The following XXYLT1 variants were observed in gnomAD, a reference collection of about 807,000 sequenced individuals.
XXYLT1 encodes UDP-xylose:alpha-xyloside alpha-1,3-xylosyltransferase.
Under a neutral mutation model 28.9 loss-of-function variants are expected in XXYLT1, and 20 were observed. The ratio of observed to expected loss-of-function variants is 0.69; its 90% CI spans 0.49 to 1.00. XXYLT1 has a LOEUF of 1.00. Among genes scored for constraint, XXYLT1 ranks in the 50% least tolerant of loss-of-function variants. XXYLT1 has a pLI of 0.00. For missense variants in XXYLT1, 542 were observed against 560.1 expected (o/e 0.97, Z 0.33); for synonymous variants, 257 against 253.8 (o/e 1.01, Z -0.12).
rs1455343976 is a variant in XXYLT1, at chr3:195,173,042, G to A, written c.653-16461C>T. On this transcript the variant is annotated intron_variant, in intron 2 of 3. Coordinates refer to ENST00000310380, the MANE Select transcript of XXYLT1 (RefSeq NM_152531.5). The surrounding 1 kb of genome is among the most constrained non-coding windows in gnomAD (Gnocchi z 4.3). ...AGTGGTTTGGCAGCCCCCCGGGGCT[G>A]ATCGACACCCCTACTTTCAAGACTT... 6.6e-6 allele frequency among the ~76,000 whole-genome samples: 1 copy of A among 152,082 alleles called. No homozygotes were observed. The highest frequency in any genetic ancestry group is 1.5e-5 in the Non-Finnish European group (1 of 67,990).
At chr3:195,096,780 T>A (rs975470969) in intron 3 of XXYLT1, among the ~76,000 whole-genome samples, 1 of 152,214 alleles carries the variant, frequency 6.6e-6, no homozygotes, top group African/African-American at 2.4e-5. Context: ...TTGGTTTCCA[T>A]AGAGGATAAT....
At chr3:195,228,534 G>T (rs11918561) in intron 1 of XXYLT1, among the ~76,000 whole-genome samples, 8,388 of 130,066 alleles carry the variant, frequency 0.064, 890 homozygotes, top group African/African-American at 0.23. Context: ...TCTGTCAACC[G>T]AGGCTGGAGT....
intron 2 of XXYLT1, among the ~76,000 whole-genome samples, chr3:195,215,999 G>C (rs1723555424): frequency 6.6e-6 from 1 of 151,174 alleles, no homozygotes; most frequent in African/African-American, 2.4e-5. Context: ...AATCAAACTA[G>C]AACTCAGGAT....
chr3:195,239,523 C>G (rs1560169162), intron 1 of XXYLT1, among the ~76,000 whole-genome samples: 2 of 152,100 alleles, frequency 1.3e-5, no homozygotes, highest in African/African-American at 2.4e-5. Flanking sequence ...TGAGAAGACA[C>G]AAAACAATAG....
intron 3 of XXYLT1, among the ~76,000 whole-genome samples, chr3:195,127,506 T>G (rs545913426): frequency 6.6e-6 from 1 of 152,340 alleles, no homozygotes; most frequent in East Asian, 1.9e-4. Flanking sequence ...TGAGGTGTGG[T>G]GGCTCATGCC....
At chr3:195,260,700 CAG>C (rs1439608157) in intron 1 of XXYLT1, among the ~76,000 whole-genome samples, 2 of 152,230 alleles carry the variant, frequency 1.3e-5, no homozygotes, top group African/African-American at 4.8e-5. Flanking sequence ...CCTCAAACAG[CAG>C]AGGAGGTGCC....
rs766250839 is a variant in XXYLT1 at position 195,124,515 on chromosome 3, C to A, written c.785+31934G>T. Among the ~76,000 whole-genome samples the A allele has an allele frequency of 2.0e-5, 3 of 152,308 alleles. No homozygotes were observed. The East Asian group carries it at 5.8e-4, about 29-fold the overall frequency. On this transcript the variant is annotated intron_variant, in intron 3 of 3. Transcript: ENST00000310380. This position sits in a 1 kb window ranked among gnomAD's most constrained non-coding sequence, Gnocchi z 4.1. ...TTGTCTAGTGTTTCTAGGCCTCCCC[C>A]TCTAGACTGTGAATTCCGTGGGGGC...
intron 3 of XXYLT1, among the ~76,000 whole-genome samples, chr3:195,110,239 TGC>T (rs1560100481): frequency 1.5e-4 from 5 of 32,964 alleles, no homozygotes; most frequent in East Asian, 1.4e-3. Context: ...GTGTGTGGTG[TGC>T]GTGTGTGGGT....
intron 3 of XXYLT1, among the ~76,000 whole-genome samples, chr3:195,141,847 G>A (rs1042787152): frequency 3.9e-5 from 6 of 152,204 alleles, no homozygotes; most frequent in Non-Finnish European, 7.3e-5. Flanking sequence ...CTAATTGAGC[G>A]ACTAGACTCT....
At chr3:195,155,364 T>C (rs1160152269) in intron 3 of XXYLT1, among the ~76,000 whole-genome samples, 1 of 152,136 alleles carries the variant, frequency 6.6e-6, no homozygotes, top group Non-Finnish European at 1.5e-5. Flanking sequence ...GAGCGGGGCA[T>C]GCCTGCGGGA....
At position 195,096,936 on chromosome 3, in the gene XXYLT1, T is replaced by G. The variant is rs879044326; in HGVS notation, c.786-26825A>C. Among the ~76,000 whole-genome samples, 4 of 152,330 alleles carry G rather than the reference T, an allele frequency of 2.6e-5. No individual in the cohort carries two copies. The East Asian group carries it at 7.7e-4, about 29-fold the overall frequency. ...TAGAAATAGTTCAAATTTGTATAAT[T>G]TGTTTCCCAATTTAATAAGAAAAAC... On this transcript the variant is annotated intron_variant, in intron 3 of 3. Transcript: ENST00000310380.
chr3:195,239,084 G>A (rs554459700), intron 1 of XXYLT1, among the ~76,000 whole-genome samples: 7 of 152,196 alleles, frequency 4.6e-5, no homozygotes, highest in South Asian at 2.1e-4. Context: ...TGTTCCAGAC[G>A]CTGTGCTGCC....
At chr3:195,070,810 A>G (rs1714760617) in intron 3 of XXYLT1, among the ~76,000 whole-genome samples, 1 of 152,172 alleles carries the variant, frequency 6.6e-6, no homozygotes, top group South Asian at 2.1e-4. Context: ...AGGGCACACC[A>G]TGGGTTAGGG....
chr3:195,102,039 G>A (rs1304032221), intron 3 of XXYLT1, among the ~76,000 whole-genome samples: 1 of 133,728 alleles, frequency 7.5e-6, no homozygotes, highest in African/African-American at 2.9e-5. Context: ...AAGAGAGAAA[G>A]AGGAAGGGAG....
In XXYLT1 at chr3:195,240,072, A is replaced by G. The variant is rs1410782712; in HGVS notation, c.505-13216T>C. 6.6e-6 allele frequency among the ~76,000 whole-genome samples: 1 copy of G among 152,222 alleles called. No individual in the cohort carries two copies. The highest frequency in any genetic ancestry group is 2.4e-5 in the African/African-American group (1 of 41,454). ...TATTTTTAATTACTTCTGCATCTAA[A>G]TTCAGTAATGACTGAGCTTTCTTTT... On this transcript the variant is annotated intron_variant, in intron 1 of 3. Transcript: ENST00000310380. The surrounding 1 kb of genome is among the most constrained non-coding windows in gnomAD (Gnocchi z 4.7).
intron 2 of XXYLT1, among the ~76,000 whole-genome samples, chr3:195,204,877 C>T (rs1024863113): frequency 3.9e-5 from 6 of 152,200 alleles, no homozygotes; most frequent in Non-Finnish European, 7.3e-5. Context: ...AAAAAGGAAG[C>T]ACTAATAGAC....
rs1721537735 is a variant in XXYLT1, at chr3:195,173,988, C to T, written c.653-17407G>A. ...AGGAGCAGAGTGACATACTCAGAGTCCCTCAGTCAGAGGATGGAGAGGAAG... is the reference window on the plus strand; with the variant it reads ...AGGAGCAGAGTGACATACTCAGAGTTCCTCAGTCAGAGGATGGAGAGGAAG... On this transcript the variant is annotated intron_variant, in intron 2 of 3. Transcript: ENST00000310380. This position sits in a 1 kb window ranked among gnomAD's most constrained non-coding sequence, Gnocchi z 4.3. Among the ~76,000 whole-genome samples the T allele has an allele frequency of 6.6e-6, 1 of 152,246 alleles. No individual in the cohort carries two copies. The highest frequency in any genetic ancestry group is 6.5e-5 in the Admixed American group (1 of 15,288).
chr3:195,101,969 G>A (rs577124881), intron 3 of XXYLT1, among the ~76,000 whole-genome samples: 1,410 of 13,816 alleles, frequency 0.1, 59 homozygotes, highest in Non-Finnish European at 0.17. Flanking sequence ...GGGAGGGGAC[G>A]GGGGAGGGAG....
intron 1 of XXYLT1, among the ~76,000 whole-genome samples, chr3:195,234,168 C>T (rs1201116471): frequency 2.6e-5 from 4 of 151,916 alleles, no homozygotes; most frequent in South Asian, 2.1e-4. Flanking sequence ...CCGCCTGCCT[C>T]GGCCTCCCAA....
Sources: gnomAD v4.1 joint callset for allele counts (sites outside exome capture counted in the v4.1 genomes callset) on GRCh38, gnomAD v4.1.1 for gene constraint, Gnocchi (gnomAD v3.1) non-coding constraint, MANE v1.5 for transcripts, NCBI Gene and HGNC (gene_info 2026-07-23, HGNC 2026-07-21) for gene names.